The following IQSEC1 variants were observed in gnomAD, a reference collection of about 807,000 sequenced individuals.
The protein encoded by IQSEC1 is IQ motif and SEC7 domain-containing protein 1.
Under a neutral mutation model 91.0 loss-of-function variants are expected in IQSEC1, and 31 were observed. The observed-to-expected ratio is 0.34, with a 90% CI of 0.26 to 0.46. The LOEUF is 0.46. Among genes scored for constraint, IQSEC1 ranks in the 20% least tolerant of loss-of-function variants. IQSEC1 has a pLI of 1.00. For missense variants in IQSEC1, 1,388 were observed against 1,575.6 expected (o/e 0.88, Z 2.02); for synonymous variants, 699 against 662.6 (o/e 1.05, Z -0.84).
intron 1 of IQSEC1, among the ~76,000 whole-genome samples, chr3:12,980,561 C>T (rs1050125645): frequency 2.0e-5 from 3 of 152,206 alleles, no homozygotes; most frequent in African/African-American, 7.2e-5. Flanking sequence ...ACTACAAACA[C>T]ACAACAATTT....
At chr3:13,274,717 C>T (rs575675074) in intron 1 of IQSEC1, among the ~76,000 whole-genome samples, 2 of 152,286 alleles carry the variant, frequency 1.3e-5, no homozygotes, top group Non-Finnish European at 2.9e-5. Context: ...GAGGAACACC[C>T]GGCACTGGCT....
intron 2 of IQSEC1, among the ~76,000 whole-genome samples, chr3:13,121,378 C>T (rs757293764): frequency 5.9e-5 from 9 of 152,310 alleles, no homozygotes; most frequent in African/African-American, 1.4e-4. Context: ...GAGGAACCCA[C>T]GGCTGGGAGG....
intron 1 of IQSEC1, among the ~76,000 whole-genome samples, chr3:12,960,811 G>C (rs1305766904): frequency 6.6e-6 from 1 of 152,182 alleles, no homozygotes; most frequent in Non-Finnish European, 1.5e-5. Flanking sequence ...AAACAGTTGA[G>C]GCTTTGCCCA....
chr3:12,915,546 C>T (rs769442157), intron 7 of IQSEC1, 48 bp downstream of exon 7: 8 of 1,594,018 alleles, frequency 5.0e-6, no homozygotes, highest in African/African-American at 1.3e-5. Context: ...CAGGCAGCCC[C>T]GCCCGGGTGG....
rs1222234624 is a variant in IQSEC1 at position 13,103,435 on chromosome 3, G to A, written c.303-55913C>T. Among the ~76,000 whole-genome samples the A allele has an allele frequency of 1.3e-5, 2 of 152,040 alleles. No individual in the cohort carries two copies. Among genetic ancestry groups the A allele is most frequent in the Admixed American group, 1.3e-4 (2 of 15,274 alleles). Reference sequence around the variant, plus strand: ...CACCAGCCTCGGGGGAGTGGCAGGTGTGTTTAAAGCTGTATGATCACCATC... The same window carrying A: ...CACCAGCCTCGGGGGAGTGGCAGGTATGTTTAAAGCTGTATGATCACCATC... On this transcript the variant is annotated intron_variant, in intron 2 of 15. Coordinates refer to the IQSEC1 transcript ENST00000648114. This position sits in a 1 kb window ranked among gnomAD's most constrained non-coding sequence, Gnocchi z 4.1.
rs1000997208 is a variant in IQSEC1, at chr3:12,908,969, T to C, written c.2578+304A>G. Among the ~76,000 whole-genome samples the C allele has an allele frequency of 6.6e-6, 1 of 152,086 alleles. No individual in the cohort carries two copies. The highest frequency in any genetic ancestry group is 2.4e-5 in the African/African-American group (1 of 41,402). ...AGTCGGTTGAGCCTGATGCAGAAGA[T>C]GACGAGGTGCAGAGAGGCCAGCTGG... On this transcript the variant is annotated intron_variant, in intron 11 of 13. Coordinates refer to ENST00000613206, the MANE Select transcript of IQSEC1 (RefSeq NM_001134382.3). The surrounding 1 kb of genome is among the most constrained non-coding windows in gnomAD (Gnocchi z 4.9).
At chr3:12,901,922 A>T (rs1223522381) in intron 13 of IQSEC1, among the ~76,000 whole-genome samples, 4 of 151,874 alleles carry the variant, frequency 2.6e-5, no homozygotes, top group African/African-American at 9.7e-5. Context: ...CTGGAGGAGG[A>T]GCCCTGCTCC....
chr3:13,177,299 C>T (rs1297274546), intron 1 of IQSEC1, among the ~76,000 whole-genome samples: 1 of 152,220 alleles, frequency 6.6e-6, no homozygotes, highest in Non-Finnish European at 1.5e-5. Flanking sequence ...GAGCTGGGAC[C>T]CCAGGAGCTG....
chr3:12,969,844 CTG>C (rs1279211007), intron 1 of IQSEC1, among the ~76,000 whole-genome samples: 1 of 152,256 alleles, frequency 6.6e-6, no homozygotes, highest in Non-Finnish European at 1.5e-5. Context: ...GATGGACACT[CTG>C]GAAACCAAAT....
chr3:12,908,200 C>CT lies in IQSEC1; in HGVS notation c.2755+148_2755+149insA. ...TGGGGCGCCCTTTCTGTATGTCACA[C>CT]GCTGCTCTGCTTTGCGGAAGGTCAG... On this transcript the variant is annotated intron_variant, in intron 12 of 13. Transcript: ENST00000613206. This position sits in a 1 kb window ranked among gnomAD's most constrained non-coding sequence, Gnocchi z 4.9. The CT allele has an allele frequency of 1.3e-6, 1 of 774,370 alleles. No individual in the cohort carries two copies. The highest frequency in any genetic ancestry group is 2.7e-5 in the East Asian group (1 of 37,092). The allele number at this position is 774,370 out of a possible 1,614,324, so 48.0% of individuals were successfully genotyped here.
intron 1 of IQSEC1, among the ~76,000 whole-genome samples, chr3:12,991,564 G>C (rs923455454): frequency 2.0e-5 from 3 of 152,188 alleles, no homozygotes; most frequent in African/African-American, 7.2e-5. Flanking sequence ...CAGGGGGAGT[G>C]ATGAGGGCTC....
intron 1 of IQSEC1, among the ~76,000 whole-genome samples, chr3:13,272,621 T>G (rs1287918542): frequency 4.6e-5 from 7 of 152,140 alleles, no homozygotes; most frequent in Non-Finnish European, 1.0e-4. Context: ...ACACCCCTTT[T>G]AGGTGGCGGA....
chr3:13,267,736 G>C (rs1695520342), intron 1 of IQSEC1, among the ~76,000 whole-genome samples: 2 of 151,360 alleles, frequency 1.3e-5, no homozygotes, highest in South Asian at 4.2e-4. Context: ...TCCTGCCTCA[G>C]CCTCCCAAGT....
intron 1 of IQSEC1, chr3:13,047,478 C>T: frequency 1.0e-6 from 1 of 985,326 alleles, no homozygotes; most frequent in Non-Finnish European, 1.2e-6. Context: ...AAGACAGTAC[C>T]TGTAGCGGTC....
chr3:13,218,775 G>A (rs1694596961), intron 1 of IQSEC1, among the ~76,000 whole-genome samples: 1 of 152,164 alleles, frequency 6.6e-6, no homozygotes, highest in African/African-American at 2.4e-5. Flanking sequence ...GAACATTCTT[G>A]AGTGAGGGTG....
chr3:13,111,700 G>A (rs1706247570), intron 2 of IQSEC1, among the ~76,000 whole-genome samples: 1 of 152,094 alleles, frequency 6.6e-6, no homozygotes, highest in Non-Finnish European at 1.5e-5. Flanking sequence ...TGATATCAGT[G>A]TCCTCATAAG....
At chr3:13,268,640 T>C (rs911136601) in intron 1 of IQSEC1, among the ~76,000 whole-genome samples, 1 of 152,172 alleles carries the variant, frequency 6.6e-6, no homozygotes, top group Non-Finnish European at 1.5e-5. Flanking sequence ...CAGGAGGAAA[T>C]TAAATAATAA....
chr3:13,117,369 G>A (rs1706352187), intron 2 of IQSEC1, among the ~76,000 whole-genome samples: 1 of 149,866 alleles, frequency 6.7e-6, no homozygotes, highest in Admixed American at 6.6e-5. Context: ...GGCGGATCAC[G>A]AGGTCAGGAG....
chr3:12,943,382 C>T (rs758867118), intron 1 of IQSEC1, among the ~76,000 whole-genome samples: 3 of 152,172 alleles, frequency 2.0e-5, no homozygotes, highest in African/African-American at 4.8e-5. Flanking sequence ...CGCTGGTTTC[C>T]GCTGCAGGTG....
Sources: gnomAD v4.1 joint callset for allele counts (sites outside exome capture counted in the v4.1 genomes callset) on GRCh38, gnomAD v4.1.1 for gene constraint, Gnocchi (gnomAD v3.1) non-coding constraint, MANE v1.5 for transcripts, NCBI Gene and HGNC (gene_info 2026-07-23, HGNC 2026-07-21) for gene names.